GLCCI1: variants seen among roughly 807,000 people sequenced by gnomAD.
The protein encoded by GLCCI1 is glucocorticoid-induced transcript 1 protein.
In GLCCI1, 24 loss-of-function variants were observed where a neutral mutation model predicts 52.2. The observed-to-expected ratio is 0.46, with a 90% CI of 0.33 to 0.65. The LOEUF (loss-of-function observed/expected upper bound fraction) is 0.65. Ranked by LOEUF, GLCCI1 falls within the 30% of genes least tolerant of loss-of-function variation. GLCCI1 has a pLI of 0.02. For synonymous variants in GLCCI1, 310 were observed against 276.5 expected, an observed-to-expected ratio of 1.12 and a Z score of -1.20; for missense variants, 704 against 701.5, an observed-to-expected ratio of 1.00 and a Z score of -0.04.
At chr7:8,084,458 T>A (rs528239276) in intron 6 of GLCCI1, among the ~76,000 whole-genome samples, 16 of 152,230 alleles carry the variant, frequency 1.1e-4, no homozygotes, top group Middle Eastern at 3.2e-3. Flanking sequence ...ACATTTCTGC[T>A]AAGAACTTTT....
intron 1 of GLCCI1, among the ~76,000 whole-genome samples, chr7:7,973,950 A>G (rs183807648): frequency 1.6e-4 from 25 of 152,208 alleles, no homozygotes; most frequent in African/African-American, 4.8e-4. Context: ...TTCTCTTTCT[A>G]TAAAGTTTTA....
At chr7:8,016,540 G>T (rs182610388) in intron 2 of GLCCI1, among the ~76,000 whole-genome samples, 32 of 152,208 alleles carry the variant, frequency 2.1e-4, no homozygotes, top group African/African-American at 7.5e-4. Flanking sequence ...TTACGGTATG[G>T]TATGAGAAAG....
chr7:8,061,376 A>G (rs1782510749), intron 5 of GLCCI1, among the ~76,000 whole-genome samples: 1 of 152,180 alleles, frequency 6.6e-6, no homozygotes, highest in Non-Finnish European at 1.5e-5. Flanking sequence ...CTGGGATTAC[A>G]GGCGTGAGCC....
intron 1 of GLCCI1, among the ~76,000 whole-genome samples, chr7:7,997,246 G>T (rs753436101): frequency 6.6e-5 from 10 of 151,762 alleles, no homozygotes; most frequent in South Asian, 6.2e-4. Context: ...GTCTATAACT[G>T]CAAGGCAAGG....
At chr7:7,992,128 TC>T (rs1780854558) in intron 1 of GLCCI1, among the ~76,000 whole-genome samples, 2 of 138,906 alleles carry the variant, frequency 1.4e-5, no homozygotes, top group African/African-American at 5.5e-5. Flanking sequence ...TCTCTCTCTC[TC>T]ATATATATAT....
chr7:8,021,485 T>C (rs1781486880), intron 2 of GLCCI1, among the ~76,000 whole-genome samples: 1 of 152,176 alleles, frequency 6.6e-6, no homozygotes, highest in Admixed American at 6.5e-5. Context: ...CAATCTTGGC[T>C]CACTGCAGCC....
chr7:7,981,955 A>G, intron 1 of GLCCI1: 2 of 427,988 alleles, frequency 4.7e-6, no homozygotes, highest in Non-Finnish European at 4.7e-6. Context: ...GATGAAGACT[A>G]CATACCAATC....
Position 8,005,245 on chromosome 7 carries a change from A to T in GLCCI1, c.609+1186A>T, listed in dbSNP as rs1192306093. Among the ~76,000 whole-genome samples the T allele has an allele frequency of 3.9e-5, 6 of 152,084 alleles. No homozygotes were observed. In the East Asian group the frequency reaches 1.2e-3, roughly 29 times the overall value. On this transcript the variant is annotated intron_variant, in intron 2 of 7. Transcript: ENST00000223145. ...AATATGATAAAATGTAGGTATAGAA[A>T]ATAAAATTTAAAAATAATTTTAAAA...
At chr7:8,006,978 T>TAG (rs146986593) in intron 2 of GLCCI1, among the ~76,000 whole-genome samples, 5,083 of 152,300 alleles carry the variant, frequency 0.033, 268 homozygotes, top group African/African-American at 0.11. Context: ...TGCTGTTTGT[T>TAG]CAGGAAATTC....
chr7:8,084,683 T>C, intron 6 of GLCCI1: 1 of 444,684 alleles, frequency 2.2e-6, no homozygotes, highest in African/African-American at 2.0e-5. Context: ...AAATGTCCTT[T>C]TTATGTTCTA....
chr7:7,991,875 A>G lies in GLCCI1; in HGVS notation c.458-12033A>G, dbSNP rs116668375. Reference sequence around the variant, plus strand: ...TTGTGAGTGTCAGGCTTGGAGGGAGAGAATAGGCAAAAACCTATTGATGGT... The same window carrying G: ...TTGTGAGTGTCAGGCTTGGAGGGAGGGAATAGGCAAAAACCTATTGATGGT... On this transcript the variant is annotated intron_variant, in intron 1 of 7. Coordinates refer to ENST00000223145, the MANE Select transcript of GLCCI1 (RefSeq NM_138426.4). Among the ~76,000 whole-genome samples, 1,318 of 152,062 alleles carry G rather than the reference A, an allele frequency of 8.7e-3. 20 individuals are homozygous for G. The highest frequency in any genetic ancestry group is 0.03 in the African/African-American group (1,234 of 41,510).
Position 8,006,571 on chromosome 7 carries a change from G to A in GLCCI1, c.609+2512G>A, listed in dbSNP as rs149127516. On this transcript the variant is annotated intron_variant, in intron 2 of 7. Coordinates refer to ENST00000223145, the MANE Select transcript of GLCCI1 (RefSeq NM_138426.4). ...GTAGTATATGTAGACATGCCCGCTT[G>A]TAACATTTGCAGGGTCTGCAGCAAA... Among the ~76,000 whole-genome samples the A allele has an allele frequency of 4.5e-3, 682 of 152,272 alleles. 1 individual carries two copies. The highest frequency in any genetic ancestry group is 0.016 in the African/African-American group (660 of 41,546).
chr7:8,068,781 T>G (rs1429364018), intron 5 of GLCCI1, among the ~76,000 whole-genome samples: 1 of 152,170 alleles, frequency 6.6e-6, no homozygotes, highest in Non-Finnish European at 1.5e-5. Context: ...CCTTCAACCA[T>G]GGTATAATTT....
chr7:8,060,226 A>T lies in GLCCI1; in HGVS notation c.944A>T (p.Asn315Ile), dbSNP rs562304900. 490 of 1,611,722 alleles carry T rather than the reference A, an allele frequency of 3.0e-4. 6 individuals are homozygous for T. The South Asian group carries it at 5.1e-3, about 17-fold the overall frequency. ...GAAAAGGTATTCATTAAAGAAAATA[A>T]TGGGAAGGAAGAAGTATCCAAGGTA... ...ELEKVFIKEN[N>I]GKEEVSKPLD... Residue 315 changes from asparagine (N) to isoleucine (I), a missense_variant, in exon 5 of 8, where the codon AAT becomes ATT. Around this residue, in one of 3 missense-constraint regions of GLCCI1, gnomAD observed 547 missense variants for 524.8 expected, o/e 1.04. Transcript: ENST00000223145.
chr7:8,070,606 G>A (rs1246850073), intron 5 of GLCCI1: 6 of 188,878 alleles, frequency 3.2e-5, no homozygotes, highest in Non-Finnish European at 6.5e-5. Context: ...CTGAATATCT[G>A]CCATGTGCCA....
intron 2 of GLCCI1, among the ~76,000 whole-genome samples, chr7:8,016,551 C>G (rs1781385486): frequency 2.6e-5 from 4 of 152,034 alleles, no homozygotes; most frequent in Admixed American, 2.6e-4. Flanking sequence ...TATGAGAAAG[C>G]AGTATGCCTC....
intron 5 of GLCCI1, among the ~76,000 whole-genome samples, chr7:8,068,954 C>T (rs181748768): frequency 5.3e-5 from 8 of 152,260 alleles, no homozygotes; most frequent in Admixed American, 1.3e-4. Context: ...GCCTCTTAAG[C>T]GTAATGGCCA....
intron 6 of GLCCI1, among the ~76,000 whole-genome samples, chr7:8,081,567 CAAG>C (rs1016070513): frequency 3.3e-5 from 5 of 152,046 alleles, no homozygotes; most frequent in Admixed American, 6.5e-5. Flanking sequence ...ATTTTTTATA[CAAG>C]AAGTGTGGGC....
At chr7:8,039,402 G>C (rs541947615) in intron 3 of GLCCI1, among the ~76,000 whole-genome samples, 1 of 152,226 alleles carries the variant, frequency 6.6e-6, no homozygotes, top group South Asian at 2.1e-4. Context: ...GAAAATGTGT[G>C]TCTGTGTGTG....
Sources: allele counts gnomAD v4.1 joint callset (sites outside exome capture counted in the v4.1 genomes callset), GRCh38; gene constraint gnomAD v4.1.1; regional missense constraint gnomAD v4.1.1; transcripts MANE v1.5; gene names NCBI Gene and HGNC (gene_info 2026-07-23, HGNC 2026-07-21).